COL17A1: variants seen among roughly 807,000 people sequenced by gnomAD.
The protein encoded by COL17A1 is collagen alpha-1(XVII) chain.
A neutral mutation model predicts 218.4 loss-of-function variants in COL17A1; 181 were observed. The observed-to-expected ratio is 0.83, with a 90% confidence interval of 0.73 to 0.94. The LOEUF (loss-of-function observed/expected upper bound fraction) is 0.94, where lower values mean the gene tolerates loss of function less well. COL17A1 is among the 40% of genes least tolerant of loss of function. The pLI, the probability that COL17A1 is intolerant of heterozygous loss-of-function variation, is 0.00. For synonymous variants in COL17A1, 721 were observed against 731.0 expected (o/e 0.99, Z 0.22); for missense variants, 1,924 against 1,945.9 (o/e 0.99, Z 0.21).
chr10:104,061,415 G>A lies in COL17A1; in HGVS notation c.969C>T (p.Ser323=), dbSNP rs761504610. The A allele has an allele frequency of 6.2e-7, 1 of 1,613,470 alleles. No homozygotes were observed. The highest frequency in any genetic ancestry group is 2.2e-5 in the East Asian group (1 of 44,870). ...QSPAAVNTGV[S]TSAACTTSVQ... ...GGGAGCAGCACTCACCGGCGGAGGTGGAAACGCCAGTGTTCACAGCCGCAG... is the reference window on the plus strand; with the variant it reads ...GGGAGCAGCACTCACCGGCGGAGGTAGAAACGCCAGTGTTCACAGCCGCAG... Residue 323 remains serine, a synonymous_variant, in exon 13 of 56, where the codon TCC becomes TCT. Transcript: ENST00000648076.
rs184690377 is a variant in COL17A1 at position 104,039,738 on chromosome 10, G to A, written c.2789-98C>T. The A allele has an allele frequency of 3.2e-3, 5,043 of 1,551,924 alleles. 18 individuals carry two copies. Among genetic ancestry groups the A allele is most frequent in the East Asian group, 0.013 (593 of 44,058 alleles). On this transcript the variant is annotated intron_variant, in intron 41 of 55. Coordinates refer to ENST00000648076, the MANE Select transcript of COL17A1 (RefSeq NM_000494.4). Reference sequence around the variant, plus strand: ...CAAGATCCATGATTGCTGGGGCTGCGTTGCCCTTTGGGCAGTACCTAGAGA... The same window carrying A: ...CAAGATCCATGATTGCTGGGGCTGCATTGCCCTTTGGGCAGTACCTAGAGA...
At position 104,059,724 on chromosome 10, in the gene COL17A1, T is replaced by C; in HGVS notation, c.1142-6A>G. ...GGTGTCTTCTGAAAAAGAAGCTATG[T>C]ACAGAACCCATTATAACCTGGCATA... On this transcript the variant is annotated splice_region_variant and splice_polypyrimidine_tract_variant and intron_variant, in intron 14 of 55. Coordinates refer to ENST00000648076, the MANE Select transcript of COL17A1 (RefSeq NM_000494.4). 1.2e-6 allele frequency: 2 copies of C among 1,613,930 alleles called. No homozygotes were observed. Among genetic ancestry groups the C allele is most frequent in the Middle Eastern group, 1.6e-4 (1 of 6,062 alleles).
intron 29 of COL17A1, among the ~76,000 whole-genome samples, chr10:104,048,405 T>G (rs969300433): frequency 6.6e-6 from 1 of 152,238 alleles, no homozygotes; most frequent in East Asian, 1.9e-4. Flanking sequence ...AGGTCCTCCA[T>G]GTTCTTGTCT....
intron 1 of COL17A1, among the ~76,000 whole-genome samples, chr10:104,082,753 G>A (rs1273834988): frequency 2.0e-5 from 3 of 152,200 alleles, no homozygotes; most frequent in African/African-American, 7.2e-5. Flanking sequence ...AACCTGGAAA[G>A]TTTTGCTTGT....
Position 104,051,121 on chromosome 10 carries a change from C to A in COL17A1, c.2039-220G>T, listed in dbSNP as rs805723. On this transcript the variant is annotated intron_variant, in intron 25 of 55. Transcript: ENST00000648076. ...ATGAACAGGCATTAGAACACATTGT[C>A]GAGTCTTGGCAGAGGCACTGGCCAC... Among the ~76,000 whole-genome samples, 93,582 of 152,074 alleles carry A rather than the reference C, an allele frequency of 0.62. 29,334 individuals carry two copies. The highest frequency in any genetic ancestry group is 0.69 in the East Asian group (3,549 of 5,148).
intron 33 of COL17A1, among the ~76,000 whole-genome samples, chr10:104,044,331 T>G (rs573017421): frequency 6.6e-6 from 1 of 152,214 alleles, no homozygotes; most frequent in Non-Finnish European, 1.5e-5. Context: ...TGGGTAAGTC[T>G]AAGAAGGTCT....
intron 11 of COL17A1, among the ~76,000 whole-genome samples, chr10:104,062,805 C>G (rs186756426): frequency 6.6e-6 from 1 of 152,288 alleles, no homozygotes; most frequent in African/African-American, 2.4e-5. Context: ...CATAAAACTC[C>G]CCCACCTCCA....
chr10:104,034,019 C>T lies in COL17A1; in HGVS notation c.4082G>A (p.Gly1361Glu), dbSNP rs1389099390. Residue 1361 changes from glycine to glutamate, a missense_variant, in exon 52 of 56, where the codon GGA becomes GAA. Gly to Glu is a moderately conservative substitution (Grantham distance 98, BLOSUM62 -2). Transcript: ENST00000648076. Reference protein sequence around the residue: ...AEGGMYAGNGGLLGADFAGDL... With the variant: ...AEGGMYAGNGELLGADFAGDL... ...TCCAGCAAAGTCAGCTCCCAATAGT[C>T]CGCCATTGCCAGCATACATGCCGCC... 1.2e-6 allele frequency: 2 copies of T among 1,614,088 alleles called. No individual in the cohort carries two copies. The highest frequency in any genetic ancestry group is 1.7e-5 in the Admixed American group (1 of 60,016).
chr10:104,075,434 C>A (rs190135492), intron 5 of COL17A1, among the ~76,000 whole-genome samples: 1 of 152,094 alleles, frequency 6.6e-6, no homozygotes, highest in Non-Finnish European at 1.5e-5. Flanking sequence ...TAATCAATTG[C>A]CAAACCTGTC....
Position 104,048,797 on chromosome 10 carries a change from A to T in COL17A1, c.2227+612T>A, listed in dbSNP as rs558572132. Among the ~76,000 whole-genome samples, 462 of 152,050 alleles carry T rather than the reference A, an allele frequency of 3.0e-3. 5 individuals carry two copies. The highest frequency in any genetic ancestry group is 4.7e-3 in the Non-Finnish European group (318 of 67,998). ...TGCTGCATCTCCACAGGTAAGGCTTAAACCCTTCTTGGGTTTGATCCTCAA... is the reference window on the plus strand; with the variant it reads ...TGCTGCATCTCCACAGGTAAGGCTTTAACCCTTCTTGGGTTTGATCCTCAA... On this transcript the variant is annotated intron_variant, in intron 29 of 55. Transcript: ENST00000648076.
Position 104,049,469 on chromosome 10 carries a change from C to T in COL17A1, c.2167G>A (p.Glu723Lys), listed in dbSNP as rs532751897. The T allele has an allele frequency of 2.3e-5, 37 of 1,614,200 alleles. No individual in the cohort carries two copies. In the South Asian group the frequency reaches 3.1e-4, roughly 13 times the overall value. ...GEKGPRGLTGEPGMRGLPGAV... is the reference protein window; with the variant it reads ...GEKGPRGLTGKPGMRGLPGAV... ...CCAGGCAAACCTCTCATGCCAGGCT[C>T]GCCTGCAAAGGACAAAGAACTAGCT... Residue 723 changes from glutamate (E) to lysine (K), a missense_variant and splice_region_variant, in exon 29 of 56, where the codon GAG becomes AAG. By Grantham distance (56) the Glu-to-Lys change is moderately conservative. Coordinates refer to ENST00000648076, the MANE Select transcript of COL17A1 (RefSeq NM_000494.4).
intron 22 of COL17A1, among the ~76,000 whole-genome samples, chr10:104,053,597 T>G (rs1189315510): frequency 6.6e-6 from 1 of 151,704 alleles, no homozygotes; most frequent in African/African-American, 2.4e-5. Flanking sequence ...TTTGCTCAAA[T>G]GGTGGCCTCT....
chr10:104,065,333 C>T (rs2086618005), intron 9 of COL17A1, among the ~76,000 whole-genome samples: 1 of 152,214 alleles, frequency 6.6e-6, no homozygotes, highest in South Asian at 2.1e-4. Flanking sequence ...TGTTTCCTAT[C>T]ATAGTAGATC....
At chr10:104,049,341 ATC>A in intron 29 of COL17A1, 66 bp downstream of exon 29, 1 of 1,435,230 alleles carries the variant, frequency 7.0e-7, no homozygotes, top group East Asian at 2.3e-5. Context: ...TAGAAGACGG[ATC>A]TCTCCAGGGT....
intron 46 of COL17A1, 53 bp from the exon 47 acceptor site, chr10:104,037,166 C>A: frequency 1.3e-6 from 2 of 1,503,178 alleles, no homozygotes; most frequent in South Asian, 2.4e-5. Context: ...GAAGCAACAC[C>A]CTCACTATTC....
rs990187694 is a variant in COL17A1 at position 104,041,484 on chromosome 10, C to G, written c.2605+1G>C. On this transcript the variant is annotated splice_donor_variant, in intron 37 of 55. Coordinates refer to ENST00000648076, the MANE Select transcript of COL17A1 (RefSeq NM_000494.4). LOFTEE classifies it high-confidence loss of function. ...CTTCCAAAGGTCTCCAAGATACTCA[C>G]CTGGTGGCCCGCGTGGGCCGGGTGG... 1.2e-6 allele frequency: 2 copies of G among 1,609,204 alleles called. No individual in the cohort carries two copies. The highest frequency in any genetic ancestry group is 2.2e-5 in the East Asian group (1 of 44,486).
chr10:104,075,818 T>A (rs1304793091), intron 5 of COL17A1, among the ~76,000 whole-genome samples: 1 of 152,238 alleles, frequency 6.6e-6, no homozygotes, highest in Non-Finnish European at 1.5e-5. Context: ...GCTTGGACAG[T>A]CCCATCTCTC....
At position 104,058,171 on chromosome 10, in the gene COL17A1, G is replaced by A. The variant is rs554382159; in HGVS notation, c.1242C>T (p.Ser414=). 3 of 1,614,194 alleles carry A rather than the reference G, an allele frequency of 1.9e-6. No homozygotes were observed. The highest frequency in any genetic ancestry group is 2.7e-5 in the African/African-American group (2 of 75,050). The change falls in exon 16 of 56, where the codon TCC becomes TCT. Residue 414 remains serine, a synonymous_variant. Coordinates refer to ENST00000648076, the MANE Select transcript of COL17A1 (RefSeq NM_000494.4). ...CTGCAGTGGTGGTCTTGCCCTTTGTGGACACAGTCTTCAGGTCTCCTGAAA... is the reference window on the plus strand; with the variant it reads ...CTGCAGTGGTGGTCTTGCCCTTTGTAGACACAGTCTTCAGGTCTCCTGAAA... ...AEANGDLKTV[S]TKGKTTTADI...
At chr10:104,048,041 G>A in intron 30 of COL17A1, 28 bp downstream of exon 30, 1 of 1,614,080 alleles carries the variant, frequency 6.2e-7, no homozygotes. Flanking sequence ...ACGGGAGTGA[G>A]GCTGGGGGCA....
Sources: allele counts gnomAD v4.1 joint callset (sites outside exome capture counted in the v4.1 genomes callset), GRCh38; gene constraint gnomAD v4.1.1; transcripts MANE v1.5; gene names NCBI Gene and HGNC (gene_info 2026-07-23, HGNC 2026-07-21).